CAST: variants seen among roughly 807,000 people sequenced by gnomAD.
CAST encodes the protein calpastatin.
A neutral mutation model predicts 119.6 loss-of-function variants in CAST; 76 were observed. The observed-to-expected ratio is 0.64, with a 90% confidence interval of 0.53 to 0.77. CAST has a LOEUF of 0.77. Ranked by LOEUF, CAST falls within the 30% of genes least tolerant of loss-of-function variation. The pLI, the probability that CAST is intolerant of heterozygous loss-of-function variation, is 0.00. For missense variants in CAST, 953 were observed against 946.5 expected (o/e 1.01, Z -0.09); for synonymous variants, 319 against 331.6 (o/e 0.96, Z 0.41).
the CAST span, among the ~76,000 whole-genome samples, chr5:96,339,788 G>A: frequency 6.6e-6 from 1 of 152,138 alleles, no homozygotes; most frequent in Non-Finnish European, 1.5e-5. Flanking sequence ...TTTGCAGGTA[G>A]AGCGAGTAGT....
chr5:96,734,607 A>T (rs2150477246), intron 9 of CAST, among the ~76,000 whole-genome samples: 1 of 152,280 alleles, frequency 6.6e-6, no homozygotes, highest in African/African-American at 2.4e-5. Flanking sequence ...TGATTGCAGG[A>T]GGTTGGTAGC....
the CAST span, among the ~76,000 whole-genome samples, chr5:96,492,142 G>A: frequency 6.6e-6 from 1 of 152,214 alleles, no homozygotes. Context: ...ATGCATGCAT[G>A]CATGCTTAAA....
chr5:96,346,539 C>A, the CAST span, among the ~76,000 whole-genome samples: 1 of 152,060 alleles, frequency 6.6e-6, no homozygotes, highest in Non-Finnish European at 1.5e-5. Context: ...CTAGTTCTAC[C>A]CCTTGACTCC....
At chr5:96,058,093 T>C in the CAST span, among the ~76,000 whole-genome samples, 1 of 152,108 alleles carries the variant, frequency 6.6e-6, no homozygotes, top group East Asian at 1.9e-4. Flanking sequence ...GTGTAATGTG[T>C]ATTTGTAGTT....
the CAST span, among the ~76,000 whole-genome samples, chr5:95,980,067 AAGGTCAC>A: frequency 4.1e-4 from 63 of 152,224 alleles, 1 homozygote; most frequent in Middle Eastern, 3.4e-3. Flanking sequence ...GCCGTGAGCC[AAGGTCAC>A]ACCATCGCAC....
the CAST span, among the ~76,000 whole-genome samples, chr5:96,107,212 T>A: frequency 2.3e-3 from 347 of 152,270 alleles, 1 homozygote; most frequent in Non-Finnish European, 3.7e-3. Context: ...TGGAGCATTT[T>A]GTCCATTTAC....
the CAST span, among the ~76,000 whole-genome samples, chr5:95,981,751 G>A: frequency 1.8e-4 from 28 of 152,064 alleles, no homozygotes; most frequent in Admixed American, 3.3e-4. Context: ...GGCATGCGCC[G>A]GTAGTCCCAG....
chr5:96,109,476 G>T, the CAST span, among the ~76,000 whole-genome samples: 2 of 152,162 alleles, frequency 1.3e-5, no homozygotes, highest in Non-Finnish European at 2.9e-5. Context: ...GAGGCTTTGA[G>T]ACTCGAAGAT....
the CAST span, among the ~76,000 whole-genome samples, chr5:96,038,499 C>A: frequency 6.6e-6 from 1 of 151,954 alleles, no homozygotes; most frequent in Non-Finnish European, 1.5e-5. Flanking sequence ...TTAGGTATTT[C>A]TCCTAATGTT....
In CAST at chr5:96,675,604, A is replaced by G. The variant is rs1400714864; in HGVS notation, c.138+3A>G. 2.5e-6 allele frequency: 4 copies of G among 1,602,814 alleles called. No individual in the cohort carries two copies. Among genetic ancestry groups the G allele is most frequent in the Admixed American group, 3.3e-5 (2 of 59,956 alleles). Reference sequence around the variant, plus strand: ...GAGAAAAGAAAGGATCAGATGAGGTAATTTCCACAATACTGGGCTTTCATT... The same window carrying G: ...GAGAAAAGAAAGGATCAGATGAGGTGATTTCCACAATACTGGGCTTTCATT... On this transcript the variant is annotated splice_donor_region_variant and intron_variant, in intron 2 of 31. Transcript: ENST00000675179.
At chr5:96,170,425 G>A in the CAST span, among the ~76,000 whole-genome samples, 1 of 152,164 alleles carries the variant, frequency 6.6e-6, no homozygotes. Flanking sequence ...GATGTGGCTG[G>A]GGTTTGTCTC....
At chr5:96,069,407 G>GCA in the CAST span, among the ~76,000 whole-genome samples, 1 of 147,842 alleles carries the variant, frequency 6.8e-6, no homozygotes, top group Non-Finnish European at 1.5e-5. Flanking sequence ...GTGTGTGTGT[G>GCA]TCTATGTGTG....
At chr5:96,455,208 G>A in the CAST span, among the ~76,000 whole-genome samples, 46 of 152,266 alleles carry the variant, frequency 3.0e-4, no homozygotes, top group African/African-American at 1.1e-3. Context: ...TCTCCTCTTG[G>A]GACTCGGCTC....
At chr5:96,745,321 A>G (rs1034679992) in intron 16 of CAST, among the ~76,000 whole-genome samples, 14 of 152,250 alleles carry the variant, frequency 9.2e-5, no homozygotes, top group East Asian at 3.8e-4. Context: ...AAAGTGCTCA[A>G]TAAGTAGTAA....
At chr5:96,356,493 T>C in the CAST span, among the ~76,000 whole-genome samples, 1 of 152,236 alleles carries the variant, frequency 6.6e-6, no homozygotes, top group East Asian at 1.9e-4. Context: ...TTAATCCATC[T>C]TGAGTTAATT....
the CAST span, among the ~76,000 whole-genome samples, chr5:96,452,060 A>C: frequency 6.6e-6 from 1 of 152,262 alleles, no homozygotes; most frequent in Non-Finnish European, 1.5e-5. Flanking sequence ...AAATTAGTTC[A>C]ACCATTGTGG....
At chr5:96,409,476 T>C in the CAST span, among the ~76,000 whole-genome samples, 1 of 152,196 alleles carries the variant, frequency 6.6e-6, no homozygotes, top group Admixed American at 6.5e-5. Flanking sequence ...AAAGGTTATG[T>C]TACTGAGACT....
At chr5:96,654,147 C>T (rs1205167218) in intron 1 of CAST, among the ~76,000 whole-genome samples, 1 of 151,938 alleles carries the variant, frequency 6.6e-6, no homozygotes, top group African/African-American at 2.4e-5. Context: ...CCTCAGCCTC[C>T]CAAGTAGCTG....
At position 96,631,466 on chromosome 5, in the gene CAST, C is replaced by T. The variant is rs1390896497; in HGVS notation, c.61-44073C>T. 2.8e-5 allele frequency among the ~76,000 whole-genome samples: 4 copies of T among 140,522 alleles called. 2 individuals are homozygous for T. Among genetic ancestry groups the T allele is most frequent in the African/African-American group, 5.0e-5 (2 of 39,736 alleles). 92.2% of individuals were successfully genotyped at this position (140,522 alleles called of 152,430 possible). ...TCCTTTTTATGATTAAATAACATCC[C>T]ATTGTATGGATTTCATTTTATTTAT... On this transcript the variant is annotated intron_variant, in intron 1 of 11. Transcript: ENST00000505143.
Sources: gnomAD v4.1 joint callset for allele counts (sites outside exome capture counted in the v4.1 genomes callset) on GRCh38, gnomAD v4.1.1 for gene constraint, MANE v1.5 for transcripts, NCBI Gene and HGNC (gene_info 2026-07-23, HGNC 2026-07-21) for gene names.